Variants in LOC128125817 observed in about 807,000 individuals in gnomAD.
chr1:41,592,208 T>A, the LOC128125817 span, among the ~76,000 whole-genome samples: 1 of 151,910 alleles, frequency 6.6e-6, no homozygotes, highest in African/African-American at 2.4e-5. Flanking sequence ...AGGCCTGGAG[T>A]CACCTTGGCT....
the LOC128125817 span, among the ~76,000 whole-genome samples, chr1:41,618,340 C>T: frequency 6.6e-6 from 1 of 152,244 alleles, no homozygotes; most frequent in Non-Finnish European, 1.5e-5. Context: ...CTTGTTCCTT[C>T]CTGCCTAAGC....
chr1:41,617,399 G>A, the LOC128125817 span, among the ~76,000 whole-genome samples: 92,246 of 152,042 alleles, frequency 0.61, 28,295 homozygotes, highest in African/African-American at 0.7. Context: ...ATTCTGTCCC[G>A]AGGACCACAC....
chr1:41,610,161 C>G, the LOC128125817 span, among the ~76,000 whole-genome samples: 1 of 152,208 alleles, frequency 6.6e-6, no homozygotes, highest in African/African-American at 2.4e-5. Flanking sequence ...AAATCTCTCT[C>G]TCTGTATACA....
At chr1:41,599,672 A>G in the LOC128125817 span, among the ~76,000 whole-genome samples, 3 of 152,214 alleles carry the variant, frequency 2.0e-5, no homozygotes, top group Non-Finnish European at 4.4e-5. Context: ...TGGATTTGGC[A>G]GTAACTTCTT....
the LOC128125817 span, among the ~76,000 whole-genome samples, chr1:41,587,756 A>C: frequency 3.9e-5 from 6 of 152,160 alleles, no homozygotes; most frequent in East Asian, 1.2e-3. Flanking sequence ...ATCACACGGG[A>C]ATGGTGGCAG....
the LOC128125817 span, among the ~76,000 whole-genome samples, chr1:41,604,237 G>T: frequency 6.6e-6 from 1 of 152,134 alleles, no homozygotes; most frequent in African/African-American, 2.4e-5. Context: ...TTTCATAGCA[G>T]ATCTATTCAT....
the LOC128125817 span, among the ~76,000 whole-genome samples, chr1:41,606,769 A>G: frequency 0.029 from 4,424 of 151,966 alleles, 305 homozygotes; most frequent in African/African-American, 0.1. Context: ...CTCTTAGTTT[A>G]TCCTCCAGAA....
At chr1:41,612,486 A>G in the LOC128125817 span, among the ~76,000 whole-genome samples, 3 of 152,150 alleles carry the variant, frequency 2.0e-5, no homozygotes, top group Non-Finnish European at 2.9e-5. Context: ...ATAACTAAGA[A>G]TTTCCTCAAA....
At chr1:41,623,365 G>A in the LOC128125817 span, among the ~76,000 whole-genome samples, 2 of 152,218 alleles carry the variant, frequency 1.3e-5, no homozygotes, top group Non-Finnish European at 2.9e-5. Context: ...TGCCACTGGT[G>A]GTGGGAGAGA....
At chr1:41,606,686 A>G in the LOC128125817 span, among the ~76,000 whole-genome samples, 1 of 151,936 alleles carries the variant, frequency 6.6e-6, no homozygotes, top group African/African-American at 2.4e-5. Context: ...CAGAAAATAT[A>G]GGTGACTGAG....
At chr1:41,622,915 C>T in the LOC128125817 span, among the ~76,000 whole-genome samples, 1 of 152,226 alleles carries the variant, frequency 6.6e-6, no homozygotes, top group Non-Finnish European at 1.5e-5. Context: ...GCCCTTTACA[C>T]ATATTCATTT....
the LOC128125817 span, among the ~76,000 whole-genome samples, chr1:41,602,105 G>C: frequency 6.6e-6 from 1 of 152,036 alleles, no homozygotes; most frequent in East Asian, 1.9e-4. Flanking sequence ...ACTTGGTCAT[G>C]GTGTATGATC....
the LOC128125817 span, among the ~76,000 whole-genome samples, chr1:41,612,605 C>A: frequency 1.3e-5 from 2 of 152,230 alleles, no homozygotes; most frequent in Non-Finnish European, 2.9e-5. Context: ...CTCTGATTCT[C>A]CGTCCCATGG....
the LOC128125817 span, among the ~76,000 whole-genome samples, chr1:41,619,516 G>C: frequency 6.6e-6 from 1 of 152,216 alleles, no homozygotes; most frequent in Non-Finnish European, 1.5e-5. Context: ...CAAGAGGCAG[G>C]TGTTTTGTGC....
chr1:41,618,970 T>A, the LOC128125817 span, among the ~76,000 whole-genome samples: 2 of 152,240 alleles, frequency 1.3e-5, no homozygotes, highest in African/African-American at 2.4e-5. Flanking sequence ...CACCTCCTGA[T>A]CTGTCACATC....
chr1:41,598,834 G>A, the LOC128125817 span, among the ~76,000 whole-genome samples: 1 of 66,318 alleles, frequency 1.5e-5, no homozygotes, highest in Non-Finnish European at 2.8e-5. Context: ...TATTTATTTA[G>A]GGACAGGATC....
the LOC128125817 span, among the ~76,000 whole-genome samples, chr1:41,600,269 A>G: frequency 2.6e-5 from 4 of 152,216 alleles, no homozygotes; most frequent in East Asian, 1.9e-4. Context: ...GTGTACATCT[A>G]TGTTCATAGC....
the LOC128125817 span, among the ~76,000 whole-genome samples, chr1:41,589,676 G>T: frequency 6.6e-6 from 1 of 152,144 alleles, no homozygotes; most frequent in African/African-American, 2.4e-5. Context: ...GCTCTAGACT[G>T]AGGAGCTGGG....
chr1:41,598,031 C>G, the LOC128125817 span, among the ~76,000 whole-genome samples: 1 of 152,208 alleles, frequency 6.6e-6, no homozygotes, highest in Non-Finnish European at 1.5e-5. Context: ...TCTGGACACC[C>G]ATGAGAACTC....
Sources: gnomAD v4.1 joint callset for allele counts (sites outside exome capture counted in the v4.1 genomes callset) on GRCh38, gnomAD v4.1.1 for gene constraint, MANE v1.5 for transcripts.